Variants in CNNM2 observed in about 807,000 individuals in gnomAD.
CNNM2 encodes the protein cyclin and CBS domain divalent metal cation transport mediator 2.
Under a neutral mutation model 66.9 loss-of-function variants are expected in CNNM2, and 12 were observed. The observed-to-expected ratio is 0.18, with a 90% CI of 0.11 to 0.29. The LOEUF is 0.29. CNNM2 is among the 10% of genes least tolerant of loss of function. The pLI is 1.00. For synonymous variants in CNNM2, 557 were observed against 501.8 expected, an observed-to-expected ratio of 1.11 and a Z score of -1.47; for missense variants, 705 against 1,167.7, an observed-to-expected ratio of 0.60 and a Z score of 5.77.
chr10:103,068,456 T>G, intron 4 of CNNM2, 173 bp from the exon 5 acceptor site: 1 of 619,240 alleles, frequency 1.6e-6, no homozygotes, highest in Non-Finnish European at 2.9e-6. Context: ...TTTTCATATT[T>G]AAAGCGAATG....
intron 1 of CNNM2, among the ~76,000 whole-genome samples, chr10:103,018,816 G>C (rs1315342873): frequency 6.8e-6 from 1 of 146,720 alleles, no homozygotes; most frequent in Non-Finnish European, 1.5e-5. Flanking sequence ...GAGCCACCAC[G>C]CCCTCCTAAT....
intron 1 of CNNM2, among the ~76,000 whole-genome samples, chr10:103,038,003 C>A (rs1458633791): frequency 6.6e-6 from 1 of 152,118 alleles, no homozygotes; most frequent in Non-Finnish European, 1.5e-5. Context: ...CCATACCCAG[C>A]TAATTTTTGT....
chr10:102,931,546 G>A lies in CNNM2; in HGVS notation c.1621+11445G>A, dbSNP rs188433688. On this transcript the variant is annotated intron_variant, in intron 1 of 7. Coordinates refer to ENST00000369878, the MANE Select transcript of CNNM2 (RefSeq NM_017649.5). ...CTAATTTTGTATTTTTAGTAGAGAC[G>A]GGGTTTCTCCATGTTGGTCAGGCTG... 3.9e-5 allele frequency among the ~76,000 whole-genome samples: 6 copies of A among 151,978 alleles called. No individual in the cohort carries two copies. The highest frequency in any genetic ancestry group is 2.1e-4 in the South Asian group (1 of 4,814).
intron 1 of CNNM2, among the ~76,000 whole-genome samples, chr10:102,929,256 C>T (rs910818771): frequency 1.3e-5 from 2 of 151,750 alleles, no homozygotes; most frequent in East Asian, 1.9e-4. Flanking sequence ...GAGACTCTGT[C>T]TCAAAACAAG....
chr10:102,987,716 A>G (rs1168680946), intron 1 of CNNM2, among the ~76,000 whole-genome samples: 2 of 152,174 alleles, frequency 1.3e-5, no homozygotes, highest in African/African-American at 2.4e-5. Context: ...CAACATTTTC[A>G]TAGAATACAT....
At chr10:102,995,358 A>G (rs1472601162) in intron 1 of CNNM2, among the ~76,000 whole-genome samples, 4 of 149,882 alleles carry the variant, frequency 2.7e-5, no homozygotes, top group Admixed American at 6.7e-5. Flanking sequence ...GACTACAGGC[A>G]TGTGCCACTA....
chr10:102,933,154 G>C (rs1209878734), intron 1 of CNNM2, among the ~76,000 whole-genome samples: 7 of 152,082 alleles, frequency 4.6e-5, no homozygotes, highest in African/African-American at 1.4e-4. Flanking sequence ...GGATCAACTT[G>C]CCCATTTCTG....
chr10:103,012,293 C>G (rs1227257511), intron 1 of CNNM2, among the ~76,000 whole-genome samples: 1 of 152,164 alleles, frequency 6.6e-6, no homozygotes, highest in African/African-American at 2.4e-5. Context: ...ACACCCCCAC[C>G]ACCAATGTAG....
At chr10:103,009,323 G>C (rs2064291420) in intron 1 of CNNM2, among the ~76,000 whole-genome samples, 1 of 152,050 alleles carries the variant, frequency 6.6e-6, no homozygotes, top group South Asian at 2.1e-4. Flanking sequence ...TTCTCTGTAA[G>C]AGAAATTTCT....
At chr10:102,977,938 C>T (rs2063661825) in intron 1 of CNNM2, among the ~76,000 whole-genome samples, 1 of 149,334 alleles carries the variant, frequency 6.7e-6, no homozygotes, top group Admixed American at 6.8e-5. Flanking sequence ...GAGACAGAGT[C>T]TTGCTCTGTT....
At position 103,073,457 on chromosome 10, in the gene CNNM2, G is replaced by A. The variant is rs140942781; in HGVS notation, c.2233+1618G>A. Reference sequence around the variant, plus strand: ...AAGCGCAGGGATACAGTAAGATCTCGTTTCAAAAAAAGGACTAATCTGTCA... The same window carrying A: ...AAGCGCAGGGATACAGTAAGATCTCATTTCAAAAAAAGGACTAATCTGTCA... On this transcript the variant is annotated intron_variant, in intron 6 of 7. Coordinates refer to ENST00000369878, the MANE Select transcript of CNNM2 (RefSeq NM_017649.5). Among the ~76,000 whole-genome samples, 374 of 152,198 alleles carry A rather than the reference G, an allele frequency of 2.5e-3. 2 individuals are homozygous for A. The highest frequency in any genetic ancestry group is 8.7e-3 in the African/African-American group (363 of 41,532).
At chr10:102,931,846 T>TAAAA in intron 1 of CNNM2, among the ~76,000 whole-genome samples, 1 of 128,080 alleles carries the variant, frequency 7.8e-6, no homozygotes, top group Non-Finnish European at 1.7e-5. Context: ...TTGTTATTGT[T>TAAAA]AAAAAAAAAA....
intron 1 of CNNM2, among the ~76,000 whole-genome samples, chr10:103,048,375 C>T (rs2065163769): frequency 6.6e-6 from 1 of 151,938 alleles, no homozygotes; most frequent in Non-Finnish European, 1.5e-5. Flanking sequence ...ACCACCACAT[C>T]CAGCTAGTTT....
intron 1 of CNNM2, among the ~76,000 whole-genome samples, chr10:102,925,194 G>A (rs767831427): frequency 1.1e-4 from 16 of 150,758 alleles, no homozygotes; most frequent in Non-Finnish European, 1.5e-4. Flanking sequence ...TACTCGGGAG[G>A]CTGAGGCAGG....
At position 103,087,388 on chromosome 10, in the gene CNNM2, A is replaced by G. The variant is rs1442098090; in HGVS notation, c.*10208A>G. The G allele has an allele frequency of 6.6e-6, 1 of 151,974 alleles. No homozygotes were observed. Among genetic ancestry groups the G allele is most frequent in the South Asian group, 2.1e-4 (1 of 4,816 alleles). The allele number at this position is 151,974 out of a possible 1,614,324, so 9.4% of individuals were successfully genotyped here. A position where few individuals can be genotyped will look rare whatever the true frequency, so the allele number is the denominator to read the frequency against. On this transcript the variant is annotated 3_prime_UTR_variant, in exon 8 of 8. Transcript: ENST00000369878. Reference sequence around the variant, plus strand: ...CTCTTGAATACGTTTTGGTGGTCCTACGGAGAGCTGTAACTAGCAGTGGAG... The same window carrying G: ...CTCTTGAATACGTTTTGGTGGTCCTGCGGAGAGCTGTAACTAGCAGTGGAG...
intron 1 of CNNM2, among the ~76,000 whole-genome samples, chr10:103,025,389 A>T (rs901539023): frequency 6.6e-6 from 1 of 152,114 alleles, no homozygotes; most frequent in Admixed American, 6.6e-5. Flanking sequence ...ACGCCCAGCC[A>T]AGTTGGCTCC....
chr10:102,968,524 T>C (rs2063500083), intron 1 of CNNM2, among the ~76,000 whole-genome samples: 2 of 151,536 alleles, frequency 1.3e-5, no homozygotes, highest in Admixed American at 6.6e-5. Flanking sequence ...GGATTACAGA[T>C]GTGAGCCACC....
At chr10:103,053,491 G>C (rs1039934292) in intron 2 of CNNM2, among the ~76,000 whole-genome samples, 9 of 152,174 alleles carry the variant, frequency 5.9e-5, no homozygotes, top group African/African-American at 2.2e-4. Context: ...ACTCCAGCCT[G>C]GGCAATAGAG....
Position 103,056,905 on chromosome 10 carries a change from C to T in CNNM2, c.2014C>T (p.Pro672Ser). Residue 672 changes from proline (P) to serine (S), a missense_variant, in exon 4 of 8, where the codon CCC (proline) becomes TCC (serine). This residue lies in a region of CNNM2 where 171 missense variants were observed against 304.8 expected (regional missense o/e 0.56). Coordinates refer to ENST00000369878, the MANE Select transcript of CNNM2 (RefSeq NM_017649.5). ...LKYDEKNKKA[P>S]EYYLYQRNKP... ...ATATGATGAGAAGAACAAGAAAGCCCCCGAATACTACCTCTACCAGCGCAA... is the reference window on the plus strand; with the variant it reads ...ATATGATGAGAAGAACAAGAAAGCCTCCGAATACTACCTCTACCAGCGCAA... 6.2e-7 allele frequency: 1 copy of T among 1,613,918 alleles called. No homozygotes were observed. Among genetic ancestry groups the T allele is most frequent in the African/African-American group, 1.3e-5 (1 of 75,018 alleles).
Sources: gnomAD v4.1 joint callset for allele counts (sites outside exome capture counted in the v4.1 genomes callset) on GRCh38, gnomAD v4.1.1 for gene constraint, gnomAD v4.1.1 regional missense constraint, MANE v1.5 for transcripts, NCBI Gene and HGNC (gene_info 2026-07-23, HGNC 2026-07-21) for gene names.